The following CHL1 variants were observed in gnomAD, a reference collection of about 807,000 sequenced individuals.
The protein encoded by CHL1 is cell adhesion molecule L1 like.
In CHL1, 96 loss-of-function variants were observed where a neutral mutation model predicts 141.9. The observed-to-expected ratio is 0.68, with a 90% CI of 0.57 to 0.80. CHL1 has a LOEUF of 0.80. Ranked by LOEUF, CHL1 falls within the 30% of genes least tolerant of loss-of-function variation. The pLI is 0.00. For synonymous variants in CHL1, 613 were observed against 502.2 expected (o/e 1.22, Z -2.95); for missense variants, 1,820 against 1,457.2 (o/e 1.25, Z -4.05).
At chr3:204,847 T>C (rs759130835) in intron 1 of CHL1, among the ~76,000 whole-genome samples, 1 of 152,192 alleles carries the variant, frequency 6.6e-6, no homozygotes, top group Non-Finnish European at 1.5e-5. Context: ...GCTTTATGCT[T>C]TTTAGAAAAT....
chr3:263,808 T>A (rs1694935412), intron 2 of CHL1, among the ~76,000 whole-genome samples: 1 of 152,250 alleles, frequency 6.6e-6, no homozygotes, highest in Admixed American at 6.5e-5. Context: ...AAAGAATGAT[T>A]TTAATTATGC....
intron 9 of CHL1, among the ~76,000 whole-genome samples, chr3:345,792 C>T (rs947139615): frequency 3.3e-5 from 5 of 152,154 alleles, no homozygotes; most frequent in African/African-American, 7.2e-5. Flanking sequence ...CCGCAATGCA[C>T]CTTTTTAAAT....
At chr3:382,391 A>G in intron 17 of CHL1, 83 bp from the exon 18 acceptor site, 1 of 1,467,246 alleles carries the variant, frequency 6.8e-7, no homozygotes, top group Non-Finnish European at 9.5e-7. Context: ...ATCCTTTTGA[A>G]CTTTTAATAT....
intron 2 of CHL1, chr3:282,902 C>T (rs577893882): frequency 1.3e-5 from 2 of 152,272 alleles, no homozygotes; most frequent in Non-Finnish European, 2.9e-5. Flanking sequence ...CTGGACTATA[C>T]TGTATAGAAT....
At chr3:359,319 T>C (rs552195368) in intron 11 of CHL1, among the ~76,000 whole-genome samples, 1 of 152,106 alleles carries the variant, frequency 6.6e-6, no homozygotes, top group Non-Finnish European at 1.5e-5. Flanking sequence ...TTTCTTCACT[T>C]TTATTTTAAA....
At chr3:357,786 T>C (rs1050506292) in intron 11 of CHL1, among the ~76,000 whole-genome samples, 4 of 152,352 alleles carry the variant, frequency 2.6e-5, no homozygotes, top group Admixed American at 2.0e-4. Flanking sequence ...TAAAGTATCA[T>C]TTATATAGTC....
chr3:390,549 T>G (rs1325763353), intron 20 of CHL1, 152 bp from the exon 21 acceptor site: 5 of 590,612 alleles, frequency 8.5e-6, no homozygotes, highest in Middle Eastern at 4.5e-4. Context: ...GCTGATAAAC[T>G]TATCTATCAT....
intron 2 of CHL1, among the ~76,000 whole-genome samples, chr3:302,433 C>A (rs895458842): frequency 2.6e-5 from 4 of 152,270 alleles, no homozygotes; most frequent in Middle Eastern, 3.4e-3. Context: ...TTAAAGATGG[C>A]AATTCTAACT....
At chr3:259,267 T>C (rs1209027158) in intron 2 of CHL1, among the ~76,000 whole-genome samples, 3 of 152,004 alleles carry the variant, frequency 2.0e-5, no homozygotes, top group East Asian at 3.9e-4. Flanking sequence ...AGTGTGTGTG[T>C]GCACACGTGC....
At chr3:265,350 T>G in intron 2 of CHL1, among the ~76,000 whole-genome samples, 1 of 152,244 alleles carries the variant, frequency 6.6e-6, no homozygotes, top group East Asian at 1.9e-4. Flanking sequence ...GTGCACAGAC[T>G]AAATGTTCAA....
intron 2 of CHL1, among the ~76,000 whole-genome samples, chr3:278,844 T>G (rs1696386149): frequency 6.6e-6 from 1 of 152,206 alleles, no homozygotes; most frequent in Non-Finnish European, 1.5e-5. Flanking sequence ...CTGAACTCTG[T>G]CAAACTTAGA....
At chr3:258,112 C>CT (rs1694351777) in intron 2 of CHL1, among the ~76,000 whole-genome samples, 2 of 152,296 alleles carry the variant, frequency 1.3e-5, no homozygotes, top group Non-Finnish European at 1.5e-5. Flanking sequence ...CCTGCAGGGC[C>CT]CTTTTAATGG....
At chr3:210,169 A>T (rs1045495926) in intron 1 of CHL1, among the ~76,000 whole-genome samples, 1 of 152,252 alleles carries the variant, frequency 6.6e-6, no homozygotes, top group Non-Finnish European at 1.5e-5. Flanking sequence ...GGGAGAAATG[A>T]TGAAAAATAT....
At chr3:391,900 T>C (rs1708258416) in intron 23 of CHL1, 103 bp downstream of exon 23, 27 of 919,616 alleles carry the variant, frequency 2.9e-5, no homozygotes, top group Non-Finnish European at 3.9e-5. Context: ...AAGGCCATGG[T>C]TTGTAAGCTG....
intron 5 of CHL1, 56 bp downstream of exon 5, chr3:328,410 G>A: frequency 1.4e-6 from 2 of 1,383,210 alleles, no homozygotes; most frequent in Non-Finnish European, 2.0e-6. Flanking sequence ...GTGTTAAATA[G>A]GAGTTAGATT....
intron 2 of CHL1, among the ~76,000 whole-genome samples, chr3:250,653 T>C (rs1366821650): frequency 6.6e-6 from 1 of 152,154 alleles, no homozygotes; most frequent in Non-Finnish European, 1.5e-5. Flanking sequence ...TGCTGCTTGC[T>C]GACTGCCTTC....
chr3:359,572 G>C (rs1254435775), intron 11 of CHL1, among the ~76,000 whole-genome samples: 1 of 152,074 alleles, frequency 6.6e-6, no homozygotes, highest in Non-Finnish European at 1.5e-5. Context: ...CAAAGTGCTG[G>C]GATTACAGGT....
At chr3:403,417 A>G (rs1050629321) in intron 27 of CHL1, among the ~76,000 whole-genome samples, 2 of 152,128 alleles carry the variant, frequency 1.3e-5, no homozygotes, top group Non-Finnish European at 2.9e-5. Context: ...GGCAATGATC[A>G]TTAAGGACCT....
chr3:309,308 G>C (rs1699538157), intron 2 of CHL1: 1 of 152,482 alleles, frequency 6.6e-6, no homozygotes, highest in African/African-American at 2.4e-5. Flanking sequence ...GCCAGTTGTC[G>C]TGAGAGATGC....
Sources: allele counts gnomAD v4.1 joint callset (sites outside exome capture counted in the v4.1 genomes callset), GRCh38; gene constraint gnomAD v4.1.1; transcripts MANE v1.5; gene names NCBI Gene and HGNC (gene_info 2026-07-23, HGNC 2026-07-21).